CCDC178: variants seen among roughly 807,000 people sequenced by gnomAD.
CCDC178 encodes coiled-coil domain-containing protein 178.
In CCDC178, 126 loss-of-function variants were observed where a neutral mutation model predicts 117.4. The ratio of observed to expected loss-of-function variants is 1.07; its 90% CI spans 0.93 to 1.24. The LOEUF is 1.24. Among genes scored for constraint, CCDC178 ranks in the 50% most tolerant of loss-of-function variants. The pLI, the probability that CCDC178 is intolerant of heterozygous loss-of-function variation, is 0.00. For missense variants in CCDC178, 1,030 were observed against 986.9 expected (o/e 1.04, Z -0.59); for synonymous variants, 283 against 313.4 (o/e 0.90, Z 1.02).
chr18:33,064,258 C>T (rs1049435701), intron 21 of CCDC178, among the ~76,000 whole-genome samples: 26 of 152,080 alleles, frequency 1.7e-4, no homozygotes, highest in African/African-American at 6.0e-4. Flanking sequence ...GTCAAAGAAA[C>T]TCAGTGACAT....
At position 33,298,880 on chromosome 18, in the gene CCDC178, TA is replaced by T. The variant is rs2062140895; in HGVS notation, c.1023-5569del. 2.0e-5 allele frequency among the ~76,000 whole-genome samples: 3 copies of T among 151,238 alleles called. No individual in the cohort carries two copies. The South Asian group carries it at 6.2e-4, about 31-fold the overall frequency. ...AATAAATTAAAAAGGCAATCTCATT[TA>T]AAATAGCTACAAAAAAAACTAGAAA... On this transcript the variant is annotated intron_variant, in intron 11 of 22. Transcript: ENST00000383096.
chr18:33,163,675 T>C (rs2058493010), intron 20 of CCDC178, among the ~76,000 whole-genome samples: 1 of 152,280 alleles, frequency 6.6e-6, no homozygotes, highest in East Asian at 1.9e-4. Flanking sequence ...AATAAAATAA[T>C]TTGCATTTGA....
chr18:33,368,355 G>C (rs2063246455), intron 6 of CCDC178, among the ~76,000 whole-genome samples: 2 of 151,920 alleles, frequency 1.3e-5, no homozygotes, highest in African/African-American at 2.4e-5. Flanking sequence ...TTATTCAACA[G>C]ACAGTTATTG....
intron 22 of CCDC178, 78 bp from the exon 23 acceptor site, chr18:32,938,169 C>G: frequency 1.0e-6 from 1 of 990,908 alleles, no homozygotes; most frequent in Non-Finnish European, 1.6e-6. Flanking sequence ...TGAAATCATA[C>G]ACATGGAAAA....
At position 32,979,220 on chromosome 18, in the gene CCDC178, G is replaced by A. The variant is rs552874618; in HGVS notation, c.2389-4539C>T. On this transcript the variant is annotated intron_variant, in intron 21 of 22. Transcript: ENST00000383096. ...CGCCCAGGCTGGAGTGCAATGGCGC[G>A]ATCTCAGTTCGCTGCAACATTGCTT... is the stretch of plus-strand genomic sequence containing the variant. Among the ~76,000 whole-genome samples the A allele has an allele frequency of 4.0e-5, 6 of 151,838 alleles. No homozygotes were observed. In the East Asian group the frequency reaches 9.8e-4, roughly 25 times the overall value.
intron 21 of CCDC178, among the ~76,000 whole-genome samples, chr18:33,009,061 C>T (rs1310833643): frequency 6.6e-6 from 1 of 152,060 alleles, no homozygotes; most frequent in African/African-American, 2.4e-5. Flanking sequence ...CTTCACTCCT[C>T]TATTTTTCTT....
chr18:33,225,793 C>T (rs2059296202), intron 16 of CCDC178, among the ~76,000 whole-genome samples: 1 of 152,070 alleles, frequency 6.6e-6, no homozygotes, highest in Admixed American at 6.6e-5. Flanking sequence ...TTGAAAATGC[C>T]AAATTTCATA....
intron 20 of CCDC178, among the ~76,000 whole-genome samples, chr18:33,124,293 C>A (rs965645074): frequency 6.6e-6 from 1 of 152,204 alleles, no homozygotes; most frequent in African/African-American, 2.4e-5. Flanking sequence ...AACAGTTCAG[C>A]ACTTGTCTCA....
chr18:33,432,478 T>TACACACACACACACACAC (rs56111462), intron 2 of CCDC178, among the ~76,000 whole-genome samples: 2 of 143,312 alleles, frequency 1.4e-5, no homozygotes, highest in African/African-American at 5.2e-5. Flanking sequence ...GCCTTCTCCA[T>TACACACACACACACACAC]ACACACACAC....
At chr18:32,967,960 T>C (rs1274142731) in intron 22 of CCDC178, among the ~76,000 whole-genome samples, 1 of 151,782 alleles carries the variant, frequency 6.6e-6, no homozygotes, top group Non-Finnish European at 1.5e-5. Flanking sequence ...TCAGGATAGA[T>C]AGCATATTCA....
chr18:33,154,887 T>C (rs1195215902), intron 20 of CCDC178, among the ~76,000 whole-genome samples: 1 of 152,078 alleles, frequency 6.6e-6, no homozygotes, highest in Non-Finnish European at 1.5e-5. Context: ...TCAATACACA[T>C]GGAGCAAAAG....
intron 20 of CCDC178, among the ~76,000 whole-genome samples, chr18:33,129,555 TA>T (rs1046543074): frequency 4.6e-5 from 7 of 151,840 alleles, no homozygotes; most frequent in African/African-American, 1.7e-4. Flanking sequence ...CCTAAATAAC[TA>T]AAAATGTGGA....
At chr18:33,088,729 TC>T (rs1310214842) in intron 21 of CCDC178, among the ~76,000 whole-genome samples, 1 of 152,146 alleles carries the variant, frequency 6.6e-6, no homozygotes, top group Admixed American at 6.5e-5. Context: ...TCTCTGTAAT[TC>T]CTTCACAGGC....
At chr18:33,340,636 T>C (rs1380371872) in intron 9 of CCDC178, among the ~76,000 whole-genome samples, 4 of 152,082 alleles carry the variant, frequency 2.6e-5, no homozygotes, top group Non-Finnish European at 5.9e-5. Flanking sequence ...TGGTGCCCTA[T>C]GTCACAGCCA....
intron 20 of CCDC178, among the ~76,000 whole-genome samples, chr18:33,179,208 ACTG>A (rs1233271586): frequency 4.1e-5 from 6 of 145,228 alleles, no homozygotes; most frequent in Non-Finnish European, 9.0e-5. Flanking sequence ...AAAATAATCT[ACTG>A]CTAAGTGAAA....
intron 2 of CCDC178, among the ~76,000 whole-genome samples, chr18:33,438,186 C>T (rs910749962): frequency 2.6e-5 from 4 of 152,074 alleles, no homozygotes; most frequent in African/African-American, 9.7e-5. Flanking sequence ...CTAATTATTG[C>T]CCCTGGTTCC....
At chr18:33,229,450 C>T (rs909094421) in intron 15 of CCDC178, among the ~76,000 whole-genome samples, 2 of 152,150 alleles carry the variant, frequency 1.3e-5, no homozygotes, top group African/African-American at 4.8e-5. Flanking sequence ...GTAATGATGG[C>T]TAAGATACAT....
chr18:33,048,015 A>G (rs2056677284), intron 21 of CCDC178, among the ~76,000 whole-genome samples: 1 of 152,194 alleles, frequency 6.6e-6, no homozygotes, highest in Admixed American at 6.6e-5. Context: ...TTAGTTTAGA[A>G]ATGTGATCTA....
chr18:33,440,263 T>C (rs1179511092), intron 1 of CCDC178, among the ~76,000 whole-genome samples, 182 bp from the exon 2 acceptor site: 2 of 135,570 alleles, frequency 1.5e-5, no homozygotes. Flanking sequence ...GGAGGGAGAC[T>C]CTGCTTCCCT....
Sources: gnomAD v4.1 joint callset for allele counts (sites outside exome capture counted in the v4.1 genomes callset) on GRCh38, gnomAD v4.1.1 for gene constraint, MANE v1.5 for transcripts, NCBI Gene and HGNC (gene_info 2026-07-23, HGNC 2026-07-21) for gene names.